Variants in CORIN observed in about 807,000 individuals in gnomAD.
CORIN encodes atrial natriuretic peptide-converting enzyme.
In CORIN, 117 loss-of-function variants were observed where a neutral mutation model predicts 125.3. The observed-to-expected ratio is 0.93, with a 90% confidence interval of 0.80 to 1.09. The LOEUF is 1.09. Ranked by LOEUF, CORIN falls within the 50% of genes least tolerant of loss-of-function variation. The pLI, the probability that CORIN is intolerant of heterozygous loss-of-function variation, is 0.00. For synonymous variants in CORIN, 450 were observed against 466.4 expected, an observed-to-expected ratio of 0.96 and a Z score of 0.45; for missense variants, 1,253 against 1,306.7, an observed-to-expected ratio of 0.96 and a Z score of 0.63.
At chr4:47,669,672 C>T (rs1724653128) in intron 10 of CORIN, among the ~76,000 whole-genome samples, 1 of 151,840 alleles carries the variant, frequency 6.6e-6, no homozygotes, top group African/African-American at 2.4e-5. Flanking sequence ...GGGTTCGCAC[C>T]ATTCTCCTGC....
intron 5 of CORIN, among the ~76,000 whole-genome samples, chr4:47,711,430 C>T (rs1726836541): frequency 1.3e-5 from 2 of 152,356 alleles, no homozygotes; most frequent in Admixed American, 1.3e-4. Flanking sequence ...TTCTACTTCA[C>T]CTCCTTCAAA....
intron 7 of CORIN, chr4:47,680,527 C>G (rs911657664): frequency 1.3e-5 from 4 of 298,384 alleles, no homozygotes; most frequent in Non-Finnish European, 2.5e-5. Context: ...TTGTTGTTGG[C>G]TTTTGTTTTC....
intron 5 of CORIN, among the ~76,000 whole-genome samples, chr4:47,736,167 A>C (rs1361095056): frequency 2.6e-5 from 4 of 152,276 alleles, no homozygotes. Context: ...GTTAAAACAG[A>C]AAAGACTTAA....
At chr4:47,810,533 T>C (rs1178424038) in intron 1 of CORIN, among the ~76,000 whole-genome samples, 1 of 152,222 alleles carries the variant, frequency 6.6e-6, no homozygotes, top group Non-Finnish European at 1.5e-5. Context: ...TGTCATGTTG[T>C]TTTATATAAT....
chr4:47,624,585 A>G (rs1302619732), intron 17 of CORIN, among the ~76,000 whole-genome samples: 2 of 152,208 alleles, frequency 1.3e-5, no homozygotes, highest in Non-Finnish European at 2.9e-5. Flanking sequence ...ATAACTTTAG[A>G]CGACATGATC....
At chr4:47,614,721 A>T (rs1246994408) in intron 19 of CORIN, among the ~76,000 whole-genome samples, 1 of 152,208 alleles carries the variant, frequency 6.6e-6, no homozygotes, top group Admixed American at 6.5e-5. Flanking sequence ...ATGACTACAG[A>T]CATGATTACT....
chr4:47,782,649 T>C (rs1221647091), intron 3 of CORIN, among the ~76,000 whole-genome samples: 1 of 152,190 alleles, frequency 6.6e-6, no homozygotes, highest in African/African-American at 2.4e-5. Context: ...GCAATCCTAA[T>C]TTCCAACAAT....
chr4:47,629,695 GT>G (rs989702564), intron 16 of CORIN, among the ~76,000 whole-genome samples: 4 of 151,972 alleles, frequency 2.6e-5, no homozygotes, highest in Non-Finnish European at 1.5e-5. Context: ...TGCTACACAC[GT>G]TGTTCTGTGT....
At chr4:47,647,668 A>G (rs996797690) in intron 13 of CORIN, among the ~76,000 whole-genome samples, 8 of 152,206 alleles carry the variant, frequency 5.3e-5, no homozygotes, top group Non-Finnish European at 1.2e-4. Flanking sequence ...GAGAAATTGA[A>G]TCCCTCCACA....
At chr4:47,812,877 A>G (rs1732118993) in intron 1 of CORIN, among the ~76,000 whole-genome samples, 1 of 152,266 alleles carries the variant, frequency 6.6e-6, no homozygotes, top group South Asian at 2.1e-4. Context: ...AATTATGCAA[A>G]TAACTACTTC....
chr4:47,626,317 T>A, intron 17 of CORIN, 88 bp downstream of exon 17: 1 of 823,608 alleles, frequency 1.2e-6, no homozygotes, highest in Non-Finnish European at 2.1e-6. Flanking sequence ...ATTTGGATTA[T>A]CTTAAGTTAA....
rs1170212655 is a variant in CORIN at position 47,617,452 on chromosome 4, C to T, written c.2540+6119G>A. Among the ~76,000 whole-genome samples the T allele has an allele frequency of 2.0e-5, 3 of 152,212 alleles. No homozygotes were observed. The East Asian group carries it at 5.8e-4, about 29-fold the overall frequency. ...ATGGGATTGCACGTTAGGCCACCTG[C>T]TAGCTATATCCTAGACCCAGACATT... On this transcript the variant is annotated intron_variant, in intron 19 of 21. Coordinates refer to ENST00000273857, the MANE Select transcript of CORIN (RefSeq NM_006587.4).
At position 47,654,768 on chromosome 4, in the gene CORIN, G is replaced by C. The variant is rs556599223; in HGVS notation, c.1736-1108C>G. On this transcript the variant is annotated intron_variant, in intron 12 of 21. Coordinates refer to ENST00000273857, the MANE Select transcript of CORIN (RefSeq NM_006587.4). ...CACAAGGACTGCAATTCTTGGGCAA[G>C]TCCTGATGCTGTGCTGGGCTTGGAG... 4.6e-5 allele frequency among the ~76,000 whole-genome samples: 7 copies of C among 152,300 alleles called. No individual in the cohort carries two copies. In the East Asian group the frequency reaches 9.7e-4, roughly 21 times the overall value.
At chr4:47,677,225 G>A (rs1305272031) in intron 9 of CORIN, among the ~76,000 whole-genome samples, 1 of 152,206 alleles carries the variant, frequency 6.6e-6, no homozygotes, top group Non-Finnish European at 1.5e-5. Flanking sequence ...TAAAAGGGAT[G>A]TAAGTATCTT....
intron 5 of CORIN, among the ~76,000 whole-genome samples, chr4:47,713,705 C>T (rs1236671120): frequency 6.6e-6 from 1 of 152,124 alleles, no homozygotes; most frequent in Non-Finnish European, 1.5e-5. Flanking sequence ...TATCCCTGCA[C>T]CAGTAACTGT....
At chr4:47,670,193 G>A (rs569256705) in intron 10 of CORIN, among the ~76,000 whole-genome samples, 1 of 152,186 alleles carries the variant, frequency 6.6e-6, no homozygotes. Context: ...TGGCTAAGCT[G>A]TTCTTTCACC....
chr4:47,803,918 A>G (rs1212256844), intron 2 of CORIN, among the ~76,000 whole-genome samples: 3 of 152,226 alleles, frequency 2.0e-5, no homozygotes, highest in African/African-American at 7.2e-5. Flanking sequence ...TGAAGAGACA[A>G]CCCACAGAAT....
chr4:47,595,496 G>T lies in CORIN; in HGVS notation c.*225C>A. The T allele has an allele frequency of 5.6e-4, 165 of 293,396 alleles. No homozygotes were observed. Among genetic ancestry groups the T allele is most frequent in the Middle Eastern group, 1.0e-3 (1 of 960 alleles). The allele number at this position is 293,396 out of a possible 1,614,324, so 18.2% of individuals were successfully genotyped here. ...CAAAAGGACAAAGTCTGCTTTGTTT[G>T]CTTTTGTAAAGTCTTTCATTGAACT... On this transcript the variant is annotated 3_prime_UTR_variant, in exon 22 of 22. Transcript: ENST00000273857.
intron 11 of CORIN, among the ~76,000 whole-genome samples, chr4:47,662,692 T>C (rs1724307379): frequency 6.6e-6 from 1 of 152,158 alleles, no homozygotes; most frequent in African/African-American, 2.4e-5. Flanking sequence ...AATAAACTCT[T>C]ACTTATCAAA....
Sources: gnomAD v4.1 joint callset for allele counts (sites outside exome capture counted in the v4.1 genomes callset) on GRCh38, gnomAD v4.1.1 for gene constraint, MANE v1.5 for transcripts, NCBI Gene and HGNC (gene_info 2026-07-23, HGNC 2026-07-21) for gene names.